The following NCOA6 variants were observed in gnomAD, a reference collection of about 807,000 sequenced individuals.
The protein encoded by NCOA6 is NRC RAP250.
In NCOA6, 49 loss-of-function variants were observed where a neutral mutation model predicts 171.4. That is an observed-to-expected ratio of 0.29 (90% CI 0.23 to 0.36). The LOEUF is 0.36. Among genes scored for constraint, NCOA6 ranks in the 10% least tolerant of loss-of-function variants. The probability of loss-of-function intolerance (pLI) is 1.00; values close to 1 mark genes in which losing one functional copy is unlikely to be tolerated. For synonymous variants in NCOA6, 910 were observed against 927.5 expected (o/e 0.98, Z 0.34); for missense variants, 2,248 against 2,554.5 (o/e 0.88, Z 2.59).
intron 3 of NCOA6, 143 bp from the exon 4 acceptor site, chr20:34,776,591 A>G (rs2077330560): frequency 9.2e-6 from 9 of 977,816 alleles, no homozygotes; most frequent in African/African-American, 3.2e-5. Context: ...TTGGAGCTAC[A>G]GACTCAAATC....
intron 5 of NCOA6, among the ~76,000 whole-genome samples, chr20:34,767,317 GAT>G (rs1404578685): frequency 6.6e-6 from 1 of 152,036 alleles, no homozygotes; most frequent in Non-Finnish European, 1.5e-5. Context: ...TTTGTTTTGA[GAT>G]AGAGTCTCAC....
At chr20:34,783,592 T>C (rs1279557551) in intron 2 of NCOA6, among the ~76,000 whole-genome samples, 4 of 152,188 alleles carry the variant, frequency 2.6e-5, no homozygotes, top group Non-Finnish European at 4.4e-5. Context: ...TCTAATAAAA[T>C]AATTCCTTAT....
At chr20:34,819,278 G>A (rs918248967) in intron 1 of NCOA6, 1 of 152,176 alleles carries the variant, frequency 6.6e-6, no homozygotes, top group African/African-American at 2.4e-5. Context: ...GGCAGACTAT[G>A]GAGAACTAGG....
intron 1 of NCOA6, among the ~76,000 whole-genome samples, chr20:34,796,684 T>C (rs564613398): frequency 1.3e-5 from 2 of 152,182 alleles, no homozygotes; most frequent in South Asian, 2.1e-4. Context: ...CTGGGTTTTG[T>C]AGCTACTCAG....
chr20:34,805,043 C>T (rs1372639448), intron 1 of NCOA6, among the ~76,000 whole-genome samples: 3 of 142,070 alleles, frequency 2.1e-5, no homozygotes, highest in African/African-American at 7.7e-5. Context: ...TTCTTATACC[C>T]TTTTTTTTTT....
chr20:34,751,020 T>C (rs1323668047), intron 8 of NCOA6, among the ~76,000 whole-genome samples: 1 of 150,988 alleles, frequency 6.6e-6, no homozygotes, highest in Non-Finnish European at 1.5e-5. Flanking sequence ...CTCAAAAAAT[T>C]AAATTAAATT....
intron 1 of NCOA6, among the ~76,000 whole-genome samples, chr20:34,814,919 G>A (rs2078782466): frequency 6.6e-6 from 1 of 151,998 alleles, no homozygotes; most frequent in Non-Finnish European, 1.5e-5. Context: ...AATTTCATGG[G>A]GACACGTGCT....
At chr20:34,737,961 G>A (rs958703197) in intron 11 of NCOA6, among the ~76,000 whole-genome samples, 6 of 152,148 alleles carry the variant, frequency 3.9e-5, no homozygotes, top group Non-Finnish European at 5.9e-5. Context: ...TGCAATGGCA[G>A]GATCTCGGTT....
intron 5 of NCOA6, among the ~76,000 whole-genome samples, chr20:34,763,232 C>T (rs2076871165): frequency 6.6e-6 from 1 of 152,152 alleles, no homozygotes; most frequent in African/African-American, 2.4e-5. Context: ...TTCAGGAACT[C>T]TTTTCAAACA....
rs1484710930 is a variant in NCOA6 at position 34,741,006 on chromosome 20, A to G, written c.5250T>C (p.Ser1750=). The G allele has an allele frequency of 2.5e-6, 4 of 1,614,122 alleles. No homozygotes were observed. Among genetic ancestry groups the G allele is most frequent in the Admixed American group, 3.3e-5 (2 of 60,010 alleles). ...GGGGATGAGAAGGGACAACTGGAGA[A>G]GACGTACAAGGAGGGGAAGGAAGCT... ...PVQLPSPPCT[S]SPVVPSHPPV... is the part of the protein sequence containing the mutation. Residue 1750 remains serine, a synonymous_variant, in exon 11 of 15, where the codon TCT becomes TCC. Transcript: ENST00000359003.
chr20:34,754,993 G>T, intron 7 of NCOA6, 125 bp from the exon 8 acceptor site: 1 of 882,886 alleles, frequency 1.1e-6, no homozygotes, highest in Non-Finnish European at 1.7e-6. Context: ...TGTCACACTG[G>T]TAGGATCTTT....
intron 8 of NCOA6, among the ~76,000 whole-genome samples, chr20:34,754,447 A>G (rs2076585080): frequency 6.6e-6 from 1 of 152,226 alleles, no homozygotes; most frequent in Non-Finnish European, 1.5e-5. Flanking sequence ...AAAGCCAAGA[A>G]TATTTACTAT....
At chr20:34,769,693 G>A (rs1446398994) in intron 4 of NCOA6, among the ~76,000 whole-genome samples, 6 of 152,058 alleles carry the variant, frequency 3.9e-5, no homozygotes, top group Admixed American at 3.9e-4. Context: ...TACCTTATTT[G>A]AGCTTCACAG....
intron 6 of NCOA6, among the ~76,000 whole-genome samples, chr20:34,758,415 C>T (rs1399872240): frequency 1.3e-5 from 2 of 152,160 alleles, no homozygotes; most frequent in Non-Finnish European, 1.5e-5. Flanking sequence ...TTGGGAAACA[C>T]TGAACCTAAC....
chr20:34,769,040 G>A (rs2077060906), intron 4 of NCOA6, among the ~76,000 whole-genome samples: 2 of 151,352 alleles, frequency 1.3e-5, no homozygotes, highest in South Asian at 2.1e-4. Context: ...ATACTGGTGT[G>A]GGGACACTAA....
chr20:34,797,849 A>C (rs1307509087), intron 1 of NCOA6, among the ~76,000 whole-genome samples: 1 of 152,064 alleles, frequency 6.6e-6, no homozygotes, highest in Non-Finnish European at 1.5e-5. Context: ...AGCCAAGATC[A>C]CACCATTGTA....
At chr20:34,778,731 T>C (rs574709185) in intron 3 of NCOA6, among the ~76,000 whole-genome samples, 2 of 151,918 alleles carry the variant, frequency 1.3e-5, no homozygotes, top group African/African-American at 2.4e-5. Flanking sequence ...CAGCCAGAGA[T>C]GTTTAATTTT....
chr20:34,740,846 A>T lies in NCOA6; in HGVS notation c.5410T>A (p.Ser1804Thr), dbSNP rs374546700. 4.3e-6 allele frequency: 7 copies of T among 1,614,128 alleles called. No homozygotes were observed. The highest frequency in any genetic ancestry group is 1.3e-5 in the African/African-American group (1 of 74,940). ...SPLLTNSPGS[S>T]GNRRSPVSSS... is the part of the protein sequence containing the mutation. ...GAGACTGGGCTTCGCCGGTTGCCAG[A>T]GGACCCTGGACTATTGGTCAAAAGG... Residue 1804 changes from serine to threonine, a missense_variant, in exon 11 of 15, where the codon TCT becomes ACT. Coordinates refer to ENST00000359003, the MANE Select transcript of NCOA6 (RefSeq NM_014071.5).
At chr20:34,770,696 T>A (rs6088595) in intron 4 of NCOA6, among the ~76,000 whole-genome samples, 40,440 of 151,268 alleles carry the variant, frequency 0.27, 6,852 homozygotes, top group Non-Finnish European at 0.37. Context: ...AATGGCGCGA[T>A]CTCGGATCAC....
Sources: gnomAD v4.1 joint callset for allele counts (sites outside exome capture counted in the v4.1 genomes callset) on GRCh38, gnomAD v4.1.1 for gene constraint, MANE v1.5 for transcripts, NCBI Gene and HGNC (gene_info 2026-07-23, HGNC 2026-07-21) for gene names.